The following VDAC1 variants were observed in gnomAD, a reference collection of about 807,000 sequenced individuals.
The protein encoded by VDAC1 is voltage dependent anion channel 1, also known as non-selective voltage-gated ion channel VDAC1.
A neutral mutation model predicts 34.7 loss-of-function variants in VDAC1; 10 were observed. The ratio of observed to expected loss-of-function variants is 0.29; its 90% CI spans 0.18 to 0.49. VDAC1 has a LOEUF of 0.49. Among genes scored for constraint, VDAC1 ranks in the 20% least tolerant of loss-of-function variants. The pLI, the probability that VDAC1 is intolerant of heterozygous loss-of-function variation, is 0.99. For synonymous variants in VDAC1, 130 were observed against 136.0 expected, an observed-to-expected ratio of 0.96 and a Z score of 0.30; for missense variants, 230 against 347.9, an observed-to-expected ratio of 0.66 and a Z score of 2.69.
the VDAC1 span, among the ~76,000 whole-genome samples, chr5:134,102,466 C>T: frequency 1.3e-5 from 2 of 151,910 alleles, no homozygotes; most frequent in African/African-American, 2.4e-5. Flanking sequence ...GTCGGGAGTT[C>T]GAGACCAGCC....
At chr5:134,101,668 T>C in the VDAC1 span, among the ~76,000 whole-genome samples, 1 of 152,216 alleles carries the variant, frequency 6.6e-6, no homozygotes, top group Non-Finnish European at 1.5e-5. Flanking sequence ...ACCATTGTTA[T>C]TGCTATTATC....
the VDAC1 span, among the ~76,000 whole-genome samples, chr5:134,083,205 T>G: frequency 1.0e-3 from 155 of 151,166 alleles, no homozygotes; most frequent in African/African-American, 2.9e-3. Context: ...TTTTTTTTTT[T>G]TGGGATGGGG....
the VDAC1 span, among the ~76,000 whole-genome samples, chr5:134,062,484 C>T: frequency 6.6e-6 from 1 of 151,680 alleles, no homozygotes; most frequent in Admixed American, 6.6e-5. Flanking sequence ...AGGAAGTTTG[C>T]CTTTCTCTTC....
Position 133,980,848 on chromosome 5 carries a change from T to G in VDAC1, c.432A>C (p.Leu144=). ...AGPSIRGALV[L]GYEGWLAGYQ... Reference sequence around the variant, plus strand: ...AGCCGGCCAGCCAGCCCTCGTAACCTAGCACCAGAGCACCCCGGATGGAAG... The same window carrying G: ...AGCCGGCCAGCCAGCCCTCGTAACCGAGCACCAGAGCACCCCGGATGGAAG... Residue 144 remains leucine, a synonymous_variant, in exon 6 of 9, where the codon CTA becomes CTC. Coordinates refer to ENST00000265333, the MANE Select transcript of VDAC1 (RefSeq NM_003374.3). 6.2e-7 allele frequency: 1 copy of G among 1,613,740 alleles called. No homozygotes were observed. Among genetic ancestry groups the G allele is most frequent in the Non-Finnish European group, 8.5e-7 (1 of 1,179,900 alleles).
At chr5:133,992,590 G>C (rs1172912050) in intron 2 of VDAC1, among the ~76,000 whole-genome samples, 1 of 152,240 alleles carries the variant, frequency 6.6e-6, no homozygotes, top group Non-Finnish European at 1.5e-5. Context: ...AGCAGGGTCT[G>C]ATAAGAAGAC....
intron 6 of VDAC1, among the ~76,000 whole-genome samples, chr5:133,978,937 C>T (rs1295770275): frequency 6.6e-6 from 1 of 152,172 alleles, no homozygotes; most frequent in Non-Finnish European, 1.5e-5. Context: ...CACTTAATCC[C>T]GGGAGGTGGA....
At chr5:134,031,168 G>A in the VDAC1 span, among the ~76,000 whole-genome samples, 1 of 152,216 alleles carries the variant, frequency 6.6e-6, no homozygotes, top group South Asian at 2.1e-4. Flanking sequence ...AGCTGATCAA[G>A]AAAGAACTAA....
the VDAC1 span, among the ~76,000 whole-genome samples, chr5:134,080,817 C>T: frequency 6.6e-6 from 1 of 152,124 alleles, no homozygotes; most frequent in Admixed American, 6.5e-5. Flanking sequence ...GTATAACTGA[C>T]AAGAGGTTTT....
chr5:134,019,400 A>G, the VDAC1 span, among the ~76,000 whole-genome samples: 1 of 152,136 alleles, frequency 6.6e-6, no homozygotes, highest in Non-Finnish European at 1.5e-5. Context: ...AAACATAGTG[A>G]GACTCTGTCT....
At chr5:134,061,668 C>T in the VDAC1 span, among the ~76,000 whole-genome samples, 1 of 151,778 alleles carries the variant, frequency 6.6e-6, no homozygotes, top group African/African-American at 2.4e-5. Context: ...CCACTGCACA[C>T]AGCCCCTGAA....
the VDAC1 span, among the ~76,000 whole-genome samples, chr5:134,069,418 G>T: frequency 1.3e-5 from 2 of 152,126 alleles, no homozygotes; most frequent in Admixed American, 1.3e-4. Flanking sequence ...GTGGAGCAGG[G>T]CAGGAGGAAG....
the VDAC1 span, among the ~76,000 whole-genome samples, chr5:134,066,151 G>A: frequency 6.6e-6 from 1 of 151,850 alleles, no homozygotes; most frequent in Admixed American, 6.6e-5. Context: ...CTGTTGCCCA[G>A]GCTGGAGAGT....
At chr5:134,036,542 G>A in the VDAC1 span, among the ~76,000 whole-genome samples, 6 of 152,196 alleles carry the variant, frequency 3.9e-5, no homozygotes, top group South Asian at 8.3e-4. Flanking sequence ...AGTAGGTCAA[G>A]TGCACTTCTA....
the VDAC1 span, among the ~76,000 whole-genome samples, chr5:134,106,864 C>T: frequency 6.3e-4 from 96 of 152,362 alleles, no homozygotes; most frequent in Middle Eastern, 3.4e-3. Context: ...TATTTCTTCC[C>T]ATCTTTCTCC....
At chr5:134,080,344 C>G in the VDAC1 span, among the ~76,000 whole-genome samples, 4 of 152,220 alleles carry the variant, frequency 2.6e-5, no homozygotes, top group African/African-American at 9.6e-5. Flanking sequence ...GATGCCAGGG[C>G]CCAGGACTCA....
chr5:133,994,021 C>T (rs758522455), intron 1 of VDAC1, among the ~76,000 whole-genome samples: 1 of 152,188 alleles, frequency 6.6e-6, no homozygotes, highest in South Asian at 2.1e-4. Context: ...ACCAGAAGGA[C>T]CATTCCATTC....
chr5:134,038,055 T>C, the VDAC1 span, among the ~76,000 whole-genome samples: 29 of 152,292 alleles, frequency 1.9e-4, 1 homozygote, highest in African/African-American at 7.0e-4. Flanking sequence ...GAAATTATGG[T>C]AAATGCTAGA....
chr5:134,009,282 GTCTC>G (rs1429958861), upstream of VDAC1, among the ~76,000 whole-genome samples: 2 of 121,242 alleles, frequency 1.6e-5, no homozygotes, highest in Admixed American at 9.7e-5. Context: ...TTGAGATGGA[GTCTC>G]TCTCTGTAGC....
chr5:134,019,615 T>C, the VDAC1 span, among the ~76,000 whole-genome samples: 2,564 of 152,130 alleles, frequency 0.017, 27 homozygotes, highest in Non-Finnish European at 0.026. Flanking sequence ...ATAGAGTATT[T>C]ATTTCCCCAC....
Sources: allele counts gnomAD v4.1 joint callset (sites outside exome capture counted in the v4.1 genomes callset), GRCh38; gene constraint gnomAD v4.1.1; transcripts MANE v1.5; gene names NCBI Gene and HGNC (gene_info 2026-07-23, HGNC 2026-07-21).